The following CNTNAP4 variants were observed in gnomAD, a reference collection of about 807,000 sequenced individuals.
CNTNAP4 encodes contactin associated protein family member 4.
Under a neutral mutation model 148.4 loss-of-function variants are expected in CNTNAP4, and 98 were observed. The ratio of observed to expected loss-of-function variants is 0.66; its 90% CI spans 0.56 to 0.78. CNTNAP4 has a LOEUF of 0.78. CNTNAP4 is among the 30% of genes least tolerant of loss of function. The pLI, the probability that CNTNAP4 is intolerant of heterozygous loss-of-function variation, is 0.00. For synonymous variants in CNTNAP4, 730 were observed against 565.1 expected (o/e 1.29, Z -4.14); for missense variants, 1,935 against 1,565.6 (o/e 1.24, Z -3.98).
At position 76,489,644 on chromosome 16, in the gene CNTNAP4, G is replaced by A. The variant is rs771860148; in HGVS notation, c.1883-42G>A. ...TATTTATTTTAACTTTTGCAGACTA[G>A]TGATGGTCTCCTCTCTTTCTCCCCC... On this transcript the variant is annotated intron_variant, in intron 12 of 23. Coordinates refer to ENST00000611870, the MANE Select transcript of CNTNAP4 (RefSeq NM_033401.5). 15 of 1,159,708 alleles carry A rather than the reference G, an allele frequency of 1.3e-5. No homozygotes were observed. In the South Asian group the frequency reaches 3.2e-4, roughly 25 times the overall value. The allele number at this position is 1,159,708 out of a possible 1,614,324, so 71.8% of individuals were successfully genotyped here.
intron 17 of CNTNAP4, among the ~76,000 whole-genome samples, chr16:76,532,260 A>G (rs4485401): frequency 0.42 from 64,289 of 152,020 alleles, 13,994 homozygotes; most frequent in South Asian, 0.55. Context: ...TGTGAAGTGC[A>G]AAGAAACTTC....
chr16:76,551,712 T>C (rs1265144726), intron 21 of CNTNAP4, among the ~76,000 whole-genome samples: 2 of 152,206 alleles, frequency 1.3e-5, no homozygotes, highest in African/African-American at 4.8e-5. Flanking sequence ...TAAAGTTTTA[T>C]CAGTAGCATG....
chr16:76,553,263 G>A lies in CNTNAP4; in HGVS notation c.3443-20G>A, dbSNP rs768302703. On this transcript the variant is annotated intron_variant, in intron 21 of 23. Coordinates refer to ENST00000611870, the MANE Select transcript of CNTNAP4 (RefSeq NM_033401.5). ...TTCACTTTTCACTACTAATATTTCG[G>A]TGTTTCTTTGAATTTCTAGAACACA... 2.0e-6 allele frequency: 3 copies of A among 1,497,376 alleles called. No individual in the cohort carries two copies. The highest frequency in any genetic ancestry group is 2.4e-5 in the South Asian group (2 of 84,744). The allele number at this position is 1,497,376 out of a possible 1,614,324, so 92.8% of individuals were successfully genotyped here.
At chr16:76,404,818 C>A (rs1360978572) in intron 3 of CNTNAP4, among the ~76,000 whole-genome samples, 1 of 151,888 alleles carries the variant, frequency 6.6e-6, no homozygotes, top group Admixed American at 6.6e-5. Flanking sequence ...TTAATAGTGA[C>A]CACAGTTAAT....
chr16:76,355,298 G>T lies in CNTNAP4; in HGVS notation c.197-20G>T. The T allele has an allele frequency of 6.7e-7, 1 of 1,488,710 alleles. No individual in the cohort carries two copies. The highest frequency in any genetic ancestry group is 2.3e-5 in the Admixed American group (1 of 43,350). The allele number at this position is 1,488,710 out of a possible 1,614,324, so 92.2% of individuals were successfully genotyped here. A position where few individuals can be genotyped will look rare whatever the true frequency, so the allele number is the denominator to read the frequency against. On this transcript the variant is annotated intron_variant, in intron 2 of 23. Transcript: ENST00000611870. ...AACTTTCCTTTCTCAATTTTCTCCTGTTTCTATTTTTAATAAAAGGAGCTG... is the reference window on the plus strand; with the variant it reads ...AACTTTCCTTTCTCAATTTTCTCCTTTTTCTATTTTTAATAAAAGGAGCTG...
chr16:76,292,853 A>G (rs1003317483), intron 1 of CNTNAP4, among the ~76,000 whole-genome samples: 2 of 152,218 alleles, frequency 1.3e-5, no homozygotes, highest in Non-Finnish European at 2.9e-5. Context: ...TCAGATTTAG[A>G]ATTTTGAATG....
chr16:76,419,301 GAGGT>G (rs2079098170), intron 3 of CNTNAP4, among the ~76,000 whole-genome samples: 1 of 151,984 alleles, frequency 6.6e-6, no homozygotes, highest in Non-Finnish European at 1.5e-5. Context: ...CCAGTTGGGA[GAGGT>G]TCTGGCAAAG....
intron 15 of CNTNAP4, among the ~76,000 whole-genome samples, chr16:76,513,777 AT>A (rs2083123926): frequency 6.6e-6 from 1 of 152,128 alleles, no homozygotes; most frequent in Non-Finnish European, 1.5e-5. Context: ...AGTTAAAATA[AT>A]TTTTTAAAAG....
At chr16:76,525,365 A>C (rs548527848) in intron 17 of CNTNAP4, among the ~76,000 whole-genome samples, 1 of 151,590 alleles carries the variant, frequency 6.6e-6, no homozygotes, top group Middle Eastern at 3.4e-3. Flanking sequence ...TCTTCCTGAG[A>C]GTATATTTCA....
intron 15 of CNTNAP4, among the ~76,000 whole-genome samples, chr16:76,501,057 A>C (rs997773644): frequency 1.3e-5 from 2 of 152,238 alleles, no homozygotes; most frequent in African/African-American, 4.8e-5. Flanking sequence ...GTTAAAAAGC[A>C]AAGATGATAC....
intron 1 of CNTNAP4, among the ~76,000 whole-genome samples, chr16:76,306,527 C>T (rs1326709265): frequency 6.6e-6 from 1 of 152,088 alleles, no homozygotes; most frequent in African/African-American, 2.4e-5. Flanking sequence ...ATGTTGAAAG[C>T]AAAAAGTGAA....
In CNTNAP4 at chr16:76,417,486, C is replaced by A. The variant is rs145949929; in HGVS notation, c.391-9966C>A. On this transcript the variant is annotated intron_variant, in intron 3 of 23. Transcript: ENST00000611870. ...TTAAAACAGAGTATTCCTAACTTCT[C>A]CCTTACGTACCTGACAACATTCATT... Among the ~76,000 whole-genome samples the A allele has an allele frequency of 2.9e-3, 434 of 151,524 alleles. 3 individuals are homozygous for A. The highest frequency in any genetic ancestry group is 0.01 in the African/African-American group (421 of 41,470).
chr16:76,558,823 G>T lies in CNTNAP4; in HGVS notation c.*140G>T. The T allele has an allele frequency of 1.7e-6, 1 of 579,862 alleles. No homozygotes were observed. Among genetic ancestry groups the T allele is most frequent in the South Asian group, 3.1e-5 (1 of 31,884 alleles). 35.9% of individuals were successfully genotyped at this position (579,862 alleles called of 1,614,324 possible). ...GCCATCTTGCCATGTACAGGCTTGGGGTGGCTCCAGGAAGCCTCGTCCAGT... is the reference window on the plus strand; with the variant it reads ...GCCATCTTGCCATGTACAGGCTTGGTGTGGCTCCAGGAAGCCTCGTCCAGT... On this transcript the variant is annotated 3_prime_UTR_variant, in exon 24 of 24. Coordinates refer to ENST00000611870, the MANE Select transcript of CNTNAP4 (RefSeq NM_033401.5).
At chr16:76,490,499 C>G (rs1015093791) in intron 13 of CNTNAP4, among the ~76,000 whole-genome samples, 2 of 149,548 alleles carry the variant, frequency 1.3e-5, no homozygotes, top group African/African-American at 4.9e-5. Context: ...CTGTTTCCAC[C>G]ACATCTGCCT....
intron 15 of CNTNAP4, among the ~76,000 whole-genome samples, chr16:76,502,370 C>CTT (rs199615956): frequency 1.2e-4 from 16 of 130,934 alleles, no homozygotes; most frequent in East Asian, 8.8e-4. Flanking sequence ...GCCATAGGTA[C>CTT]TTTTTTTTTT....
chr16:76,501,719 A>G (rs547561010), intron 15 of CNTNAP4, among the ~76,000 whole-genome samples: 7 of 152,078 alleles, frequency 4.6e-5, no homozygotes, highest in Non-Finnish European at 7.4e-5. Flanking sequence ...AGGCTGAGAA[A>G]CTAGAGCTTT....
intron 21 of CNTNAP4, among the ~76,000 whole-genome samples, chr16:76,551,441 GGTTA>G (rs1181760361): frequency 1.3e-4 from 20 of 150,372 alleles, no homozygotes; most frequent in Non-Finnish European, 2.5e-4. Context: ...AGATGCCCAG[GGTTA>G]GTTAAAGTCT....
At chr16:76,515,000 A>G (rs1319288095) in intron 15 of CNTNAP4, among the ~76,000 whole-genome samples, 1 of 152,208 alleles carries the variant, frequency 6.6e-6, no homozygotes, top group Non-Finnish European at 1.5e-5. Context: ...TGCATATAAA[A>G]TTTCCTGTAG....
intron 3 of CNTNAP4, among the ~76,000 whole-genome samples, chr16:76,416,488 A>G (rs561451480): frequency 2.7e-5 from 4 of 148,330 alleles, no homozygotes; most frequent in South Asian, 4.2e-4. Context: ...AACATTCTAG[A>G]TAATTTCACA....
Sources: allele counts gnomAD v4.1 joint callset (sites outside exome capture counted in the v4.1 genomes callset), GRCh38; gene constraint gnomAD v4.1.1; transcripts MANE v1.5; gene names NCBI Gene and HGNC (gene_info 2026-07-23, HGNC 2026-07-21).